RB1CC1: variants seen among roughly 807,000 people sequenced by gnomAD.
The protein encoded by RB1CC1 is RB1 inducible coiled-coil 1, also known as RB1-inducible coiled-coil protein 1.
RB1CC1 carries 46 observed loss-of-function variants against 177.5 expected under a neutral mutation model. The observed-to-expected ratio is 0.26, with a 90% CI of 0.20 to 0.33. RB1CC1 has a LOEUF of 0.33. RB1CC1 is among the 10% of genes least tolerant of loss of function. RB1CC1 has a pLI of 1.00. For missense variants in RB1CC1, 1,703 were observed against 1,816.3 expected (o/e 0.94, Z 1.13); for synonymous variants, 666 against 613.6 (o/e 1.09, Z -1.26).
intron 15 of RB1CC1, among the ~76,000 whole-genome samples, chr8:52,651,186 A>G (rs956160290): frequency 6.6e-6 from 1 of 152,262 alleles, no homozygotes; most frequent in Non-Finnish European, 1.5e-5. Context: ...TAATGACCAC[A>G]GATTCCAGAC....
At chr8:52,637,524 A>C (rs1849239685) in intron 18 of RB1CC1, among the ~76,000 whole-genome samples, 1 of 152,150 alleles carries the variant, frequency 6.6e-6, no homozygotes, top group African/African-American at 2.4e-5. Context: ...TTGCACACTG[A>C]ACCTGTATCC....
rs113127130 is a variant in RB1CC1, at chr8:52,685,506, C to T, written c.-37G>A. ...TGAATTCTGTGAGCTTATACCTCAC[C>T]CTCTGATACAGTTACTAGAAGAAAC... On this transcript the variant is annotated 5_prime_UTR_variant, in exon 3 of 24. Coordinates refer to ENST00000025008, the MANE Select transcript of RB1CC1 (RefSeq NM_014781.5). 2.8e-5 allele frequency: 36 copies of T among 1,271,572 alleles called. No individual in the cohort carries two copies. In the African/African-American group the frequency reaches 4.0e-4, roughly 14 times the overall value. The allele number at this position is 1,271,572 out of a possible 1,614,324, so 78.8% of individuals were successfully genotyped here.
Position 52,656,561 on chromosome 8 carries a change from T to G in RB1CC1, c.3268A>C (p.Lys1090Gln), listed in dbSNP as rs1851100485. ...ESRAQQKETLKSLLEQETENL... is the reference protein window; with the variant it reads ...ESRAQQKETLQSLLEQETENL... ...TCTGTCTCTTGTTCAAGAAGAGATT[T>G]CAAGGTCTCCTTCTGCTGGGCTCTG... The change falls in exon 15 of 24, where the codon AAA (lysine) becomes CAA (glutamine). Residue 1090 changes from lysine (K) to glutamine (Q), a missense_variant. Coordinates refer to ENST00000025008, the MANE Select transcript of RB1CC1 (RefSeq NM_014781.5). 21 of 1,611,166 alleles carry G rather than the reference T, an allele frequency of 1.3e-5. No individual in the cohort carries two copies. Among genetic ancestry groups the G allele is most frequent in the Non-Finnish European group, 1.7e-5 (20 of 1,179,142 alleles).
intron 1 of RB1CC1, among the ~76,000 whole-genome samples, chr8:52,699,844 T>A (rs1855881894): frequency 8.2e-6 from 1 of 121,340 alleles, no homozygotes; most frequent in Admixed American, 8.9e-5. Flanking sequence ...TATATATATA[T>A]ATATATATAT....
chr8:52,700,178 T>C (rs1175450024), intron 1 of RB1CC1, among the ~76,000 whole-genome samples: 5 of 152,096 alleles, frequency 3.3e-5, no homozygotes, highest in South Asian at 2.1e-4. Flanking sequence ...TGAAACACTC[T>C]GAAGGCAGTC....
intron 7 of RB1CC1, among the ~76,000 whole-genome samples, chr8:52,670,708 C>A (rs569426433): frequency 1.3e-5 from 2 of 152,230 alleles, no homozygotes; most frequent in Admixed American, 6.5e-5. Flanking sequence ...ATCTTAAGGC[C>A]GGGTGCAGTG....
Position 52,636,087 on chromosome 8 carries a change from TGA to T in RB1CC1, c.4338-20_4338-19del. The T allele has an allele frequency of 6.3e-7, 1 of 1,596,440 alleles. No homozygotes were observed. ...TATTTTCTCTAAAAGTGAGAATAAT[TGA>T]GTTTCAGTTTGAAATTCTAAACTTT... On this transcript the variant is annotated intron_variant, in intron 18 of 23. Coordinates refer to ENST00000025008, the MANE Select transcript of RB1CC1 (RefSeq NM_014781.5).
chr8:52,667,210 A>G (rs113703551), intron 8 of RB1CC1, among the ~76,000 whole-genome samples: 26 of 152,332 alleles, frequency 1.7e-4, no homozygotes, highest in East Asian at 7.7e-4. Flanking sequence ...ACAAAATTGA[A>G]CTTATCACTA....
rs531349995 is a variant in RB1CC1 at position 52,665,031 on chromosome 8, T to C, written c.1173+2990A>G. ...AAATCGAGTGTCTAAGGTAAGATAA[T>C]TGAAAGCCCTAGTTTATTCAATCTG... On this transcript the variant is annotated intron_variant, in intron 8 of 23. Transcript: ENST00000025008. 4.1e-4 allele frequency among the ~76,000 whole-genome samples: 62 copies of C among 152,220 alleles called. No individual in the cohort carries two copies. The East Asian group carries it at 0.012, about 28-fold the overall frequency.
intron 15 of RB1CC1, among the ~76,000 whole-genome samples, chr8:52,653,882 C>T (rs1290519092): frequency 1.3e-5 from 2 of 152,292 alleles, no homozygotes; most frequent in Non-Finnish European, 2.9e-5. Flanking sequence ...TCACCCTGTA[C>T]ATCCTTAGAT....
chr8:52,658,595 A>AC (rs1851303828), intron 13 of RB1CC1, among the ~76,000 whole-genome samples: 1 of 151,410 alleles, frequency 6.6e-6, no homozygotes, highest in Admixed American at 6.6e-5. Flanking sequence ...AAAAAAAAAA[A>AC]AAAAAAGTAA....
chr8:52,657,942 A>G (rs373233968), intron 14 of RB1CC1, 34 bp from the exon 15 acceptor site: 2 of 1,612,768 alleles, frequency 1.2e-6, no homozygotes. Context: ...AAAGAGCTGC[A>G]GGAACACAAA....
intron 12 of RB1CC1, among the ~76,000 whole-genome samples, chr8:52,660,302 G>A (rs61637102): frequency 6.6e-6 from 1 of 151,480 alleles, no homozygotes; most frequent in African/African-American, 2.4e-5. Context: ...AGGGTGGAAA[G>A]AAAAAAAGGA....
chr8:52,705,676 T>C (rs1408760869), intron 1 of RB1CC1, among the ~76,000 whole-genome samples: 1 of 152,116 alleles, frequency 6.6e-6, no homozygotes, highest in Non-Finnish European at 1.5e-5. Context: ...TTAAAAACTA[T>C]CAATGGAGGT....
chr8:52,639,415 A>G (rs1849399846), intron 18 of RB1CC1, among the ~76,000 whole-genome samples: 2 of 152,120 alleles, frequency 1.3e-5, no homozygotes, highest in South Asian at 4.1e-4. Context: ...TAATTCTAAT[A>G]TGTCTTTAGG....
chr8:52,657,755 G>C lies in RB1CC1; in HGVS notation c.2074C>G (p.Pro692Ala). 2 of 1,613,870 alleles carry C rather than the reference G, an allele frequency of 1.2e-6. No homozygotes were observed. Among genetic ancestry groups the C allele is most frequent in the Non-Finnish European group, 1.7e-6 (2 of 1,179,964 alleles). The change falls in exon 15 of 24, where the codon CCA (proline) becomes GCA (alanine). Residue 692 changes from proline to alanine, a missense_variant. By Grantham distance (27) the Pro-to-Ala change is conservative. This residue lies in a region of RB1CC1 where 1,169 missense variants were observed against 1,184.7 expected (regional missense o/e 0.99). Transcript: ENST00000025008. Reference sequence around the variant, plus strand: ...AACGTATGTGCATCAATACTATCTGGAGATAATTCTTCTAAGGGACAAACT... The same window carrying C: ...AACGTATGTGCATCAATACTATCTGCAGATAATTCTTCTAAGGGACAAACT... The part of the protein sequence containing the change: ...PAVCPLEELS[P>A]DSIDAHTFDF...
rs115803976 is a variant in RB1CC1 at position 52,643,809 on chromosome 8, C to A, written c.3988-997G>T. ...AAACTGACTCTTCTCATCTGCCCAG[C>A]ATTTCTAATTCCAAAATTTTAAGAG... On this transcript the variant is annotated intron_variant, in intron 16 of 23. Transcript: ENST00000025008. Among the ~76,000 whole-genome samples, 824 of 151,826 alleles carry A rather than the reference C, an allele frequency of 5.4e-3. 7 individuals are homozygous for A. Among genetic ancestry groups the A allele is most frequent in the African/African-American group, 0.019 (792 of 41,404 alleles).
rs576494966 is a variant in RB1CC1 at position 52,670,516 on chromosome 8, C to T, written c.1003-2325G>A. 1.3e-4 allele frequency among the ~76,000 whole-genome samples: 20 copies of T among 152,328 alleles called. No individual in the cohort carries two copies. In the South Asian group the frequency reaches 3.9e-3, roughly 30 times the overall value. On this transcript the variant is annotated intron_variant, in intron 7 of 23. Transcript: ENST00000025008. ...GCCTCTGACCTTTAAACCCACTCCC[C>T]TGCATAGATTCCTTAAGATCACAAG... is the stretch of plus-strand genomic sequence containing the variant.
intron 8 of RB1CC1, among the ~76,000 whole-genome samples, chr8:52,663,828 G>T (rs1489307724): frequency 6.6e-6 from 1 of 152,126 alleles, no homozygotes; most frequent in African/African-American, 2.4e-5. Context: ...ATTAAGTATT[G>T]ATGTGTTCCT....
Sources: gnomAD v4.1 joint callset for allele counts (sites outside exome capture counted in the v4.1 genomes callset) on GRCh38, gnomAD v4.1.1 for gene constraint, gnomAD v4.1.1 regional missense constraint, MANE v1.5 for transcripts, NCBI Gene and HGNC (gene_info 2026-07-23, HGNC 2026-07-21) for gene names.